The following NCAM2 variants were observed in gnomAD, a reference collection of about 807,000 sequenced individuals.
NCAM2 encodes the protein neural cell adhesion molecule 2, also known as N-CAM-2.
Under a neutral mutation model 98.1 loss-of-function variants are expected in NCAM2, and 30 were observed. The ratio of observed to expected loss-of-function variants is 0.31; its 90% CI spans 0.23 to 0.41. The LOEUF is 0.41. Ranked by LOEUF, NCAM2 falls within the 10% of genes least tolerant of loss-of-function variation. The pLI, the probability that NCAM2 is intolerant of heterozygous loss-of-function variation, is 1.00. For missense variants in NCAM2, 867 were observed against 1,005.8 expected (o/e 0.86, Z 1.87); for synonymous variants, 368 against 342.4 (o/e 1.07, Z -0.83).
chr21:21,233,790 A>T (rs1190424355), intron 1 of NCAM2, among the ~76,000 whole-genome samples: 3 of 151,790 alleles, frequency 2.0e-5, no homozygotes, highest in African/African-American at 4.8e-5. Flanking sequence ...TTGGGTCATA[A>T]TATAGTTTCT....
intron 9 of NCAM2, among the ~76,000 whole-genome samples, chr21:21,388,662 TA>T (rs1489741653): frequency 3.3e-5 from 5 of 152,218 alleles, no homozygotes; most frequent in Non-Finnish European, 7.3e-5. Flanking sequence ...TTACTTTAAT[TA>T]ACTTAAATTT....
At position 21,324,510 on chromosome 21, in the gene NCAM2, G is replaced by A. The variant is rs766748673; in HGVS notation, c.737+10G>A. ...CCATCTCCTGGTTCAGGTAGGTTAT[G>A]CACCCCCCTCCCTCTGGCTTGTGTC... On this transcript the variant is annotated intron_variant, in intron 6 of 17. Transcript: ENST00000400546. 5 of 1,548,882 alleles carry A rather than the reference G, an allele frequency of 3.2e-6. No individual in the cohort carries two copies. In the African/African-American group the frequency reaches 5.4e-5, roughly 17 times the overall value.
At chr21:21,130,110 T>A (rs1411024665) in intron 1 of NCAM2, among the ~76,000 whole-genome samples, 1 of 152,150 alleles carries the variant, frequency 6.6e-6, no homozygotes, top group Non-Finnish European at 1.5e-5. Flanking sequence ...AAAAAATAAA[T>A]GTATAAAACA....
chr21:21,505,732 TATC>T (rs1308090357), intron 15 of NCAM2, among the ~76,000 whole-genome samples: 1 of 151,994 alleles, frequency 6.6e-6, no homozygotes, highest in African/African-American at 2.4e-5. Context: ...TTAGTTGAAA[TATC>T]ATTTTTATAA....
chr21:21,486,079 G>A (rs2146293217), intron 15 of NCAM2, among the ~76,000 whole-genome samples: 1 of 152,068 alleles, frequency 6.6e-6, no homozygotes, highest in East Asian at 1.9e-4. Context: ...CGAGGCAGGT[G>A]GATCACGAGG....
intron 1 of NCAM2, among the ~76,000 whole-genome samples, chr21:21,207,403 A>G (rs965601913): frequency 6.6e-5 from 10 of 152,108 alleles, no homozygotes; most frequent in Non-Finnish European, 1.0e-4. Flanking sequence ...GTGTTGAGAG[A>G]TGGAACTTGA....
intron 1 of NCAM2, among the ~76,000 whole-genome samples, chr21:21,137,592 C>T (rs570131900): frequency 1.3e-4 from 20 of 152,266 alleles, no homozygotes; most frequent in Admixed American, 3.3e-4. Flanking sequence ...AACCCTGTCT[C>T]TACTAAAAAT....
At chr21:21,218,703 T>G (rs1317393910) in intron 1 of NCAM2, among the ~76,000 whole-genome samples, 1 of 152,152 alleles carries the variant, frequency 6.6e-6, no homozygotes, top group African/African-American at 2.4e-5. Context: ...AAGTGAAATC[T>G]CTCCTAGAAC....
chr21:21,475,703 A>T (rs891686023), intron 14 of NCAM2, among the ~76,000 whole-genome samples: 4 of 152,182 alleles, frequency 2.6e-5, no homozygotes, highest in African/African-American at 9.6e-5. Context: ...CTGAGTTTCA[A>T]AAATCAAGGC....
chr21:21,235,517 A>T (rs1396640329), intron 1 of NCAM2, among the ~76,000 whole-genome samples: 1 of 152,100 alleles, frequency 6.6e-6, no homozygotes, highest in Non-Finnish European at 1.5e-5. Context: ...AAAATTCTCC[A>T]GAAATACCTA....
At chr21:21,487,994 T>G (rs1250517746) in intron 15 of NCAM2, among the ~76,000 whole-genome samples, 3 of 152,284 alleles carry the variant, frequency 2.0e-5, no homozygotes, top group African/African-American at 7.2e-5. Context: ...ATTTTGCAAA[T>G]GCACATATAT....
chr21:21,537,869 A>T lies in NCAM2; in HGVS notation c.2426A>T (p.Asp809Val), dbSNP rs1569146926. ...EPEKLPLKEE[D>V]GKEALNPETI... ...AGAAAATTGCCTTTAAAGGAAGAAG[A>T]TGGGAAAGAAGCTCTAAATCCAGAA... Residue 809 changes from aspartate to valine, a missense_variant, in exon 18 of 18, where the codon GAT becomes GTT. By Grantham distance (152) the Asp-to-Val change is radical. Coordinates refer to ENST00000400546, the MANE Select transcript of NCAM2 (RefSeq NM_004540.5). 1 of 1,563,136 alleles carries T rather than the reference A, an allele frequency of 6.4e-7. No homozygotes were observed. Among genetic ancestry groups the T allele is most frequent in the Non-Finnish European group, 8.7e-7 (1 of 1,151,242 alleles).
intron 1 of NCAM2, among the ~76,000 whole-genome samples, chr21:21,240,636 G>A (rs925120404): frequency 5.9e-5 from 9 of 152,058 alleles, no homozygotes; most frequent in Non-Finnish European, 1.5e-5. Flanking sequence ...GTGAAATTTT[G>A]AATTTTCTAA....
At chr21:21,084,775 T>C (rs913311461) in intron 1 of NCAM2, among the ~76,000 whole-genome samples, 1 of 152,236 alleles carries the variant, frequency 6.6e-6, no homozygotes, top group African/African-American at 2.4e-5. Flanking sequence ...TGTAAGGCAC[T>C]GATAATGTAA....
intron 1 of NCAM2, among the ~76,000 whole-genome samples, chr21:21,034,946 A>G (rs2064767453): frequency 6.6e-6 from 1 of 152,182 alleles, no homozygotes; most frequent in Admixed American, 6.5e-5. Context: ...GACTTCTAAA[A>G]GAGTCTCTAG....
chr21:21,430,945 C>A (rs2077325061), intron 11 of NCAM2, among the ~76,000 whole-genome samples: 1 of 149,082 alleles, frequency 6.7e-6, no homozygotes, highest in Admixed American at 6.8e-5. Flanking sequence ...ACTCTGGAGG[C>A]TGAAGCAGGA....
At chr21:21,345,022 T>TATCA (rs1333967458) in intron 8 of NCAM2, among the ~76,000 whole-genome samples, 1 of 152,180 alleles carries the variant, frequency 6.6e-6, no homozygotes, top group African/African-American at 2.4e-5. Flanking sequence ...TGTCCAAGAC[T>TATCA]ATCAAGGCAT....
At chr21:21,504,925 C>T (rs1282794287) in intron 15 of NCAM2, among the ~76,000 whole-genome samples, 4 of 151,550 alleles carry the variant, frequency 2.6e-5, no homozygotes, top group Non-Finnish European at 2.9e-5. Flanking sequence ...ATTTATCTTT[C>T]GTGTTACAAA....
At chr21:21,001,073 G>T (rs2064011530) in intron 1 of NCAM2, among the ~76,000 whole-genome samples, 1 of 152,156 alleles carries the variant, frequency 6.6e-6, no homozygotes, top group Non-Finnish European at 1.5e-5. Context: ...TGAAGCTATT[G>T]CTTTGGAAAG....
Sources: allele counts gnomAD v4.1 joint callset (sites outside exome capture counted in the v4.1 genomes callset), GRCh38; gene constraint gnomAD v4.1.1; transcripts MANE v1.5; gene names NCBI Gene and HGNC (gene_info 2026-07-23, HGNC 2026-07-21).